GOT1: variants seen among roughly 807,000 people sequenced by gnomAD.
The protein encoded by GOT1 is glutamic-oxaloacetic transaminase 1.
Under a neutral mutation model 48.2 loss-of-function variants are expected in GOT1, and 25 were observed. That is an observed-to-expected ratio of 0.52 (90% CI 0.38 to 0.72). GOT1 has a LOEUF of 0.72. Ranked by LOEUF, GOT1 falls within the 30% of genes least tolerant of loss-of-function variation. The pLI is 0.00. For synonymous variants in GOT1, 188 were observed against 193.8 expected (o/e 0.97, Z 0.25); for missense variants, 380 against 520.1 (o/e 0.73, Z 2.62).
At chr10:99,402,297 C>T (rs2032690467) in intron 8 of GOT1, among the ~76,000 whole-genome samples, 1 of 152,176 alleles carries the variant, frequency 6.6e-6, no homozygotes, top group Non-Finnish European at 1.5e-5. Flanking sequence ...TCCCAGCTAC[C>T]AATCCTGTTA....
At chr10:99,427,207 T>C (rs1412120547) in intron 1 of GOT1, among the ~76,000 whole-genome samples, 1 of 152,254 alleles carries the variant, frequency 6.6e-6, no homozygotes, top group Non-Finnish European at 1.5e-5. Flanking sequence ...GCTACAGTCA[T>C]AGAATGTGCT....
intron 1 of GOT1, among the ~76,000 whole-genome samples, chr10:99,423,027 A>C (rs541241321): frequency 2.0e-5 from 3 of 152,364 alleles, no homozygotes; most frequent in African/African-American, 7.2e-5. Flanking sequence ...GAGTGGGCTA[A>C]GAAGTATGTG....
At position 99,397,703 on chromosome 10, in the gene GOT1, G is replaced by T. The variant is rs1443630193; in HGVS notation, c.1103-17C>A. 5 of 1,613,306 alleles carry T rather than the reference G, an allele frequency of 3.1e-6. No individual in the cohort carries two copies. Among genetic ancestry groups the T allele is most frequent in the Admixed American group, 3.3e-5 (2 of 59,994 alleles). On this transcript the variant is annotated splice_polypyrimidine_tract_variant and intron_variant, in intron 8 of 8. Coordinates refer to ENST00000370508, the MANE Select transcript of GOT1 (RefSeq NM_002079.3). The surrounding 1 kb of genome is among the most constrained non-coding windows in gnomAD (Gnocchi z 5.4). ...CCTGCTTGGCTGTTGAAAACCAAAAGAAGACATAATCAGAGCAGAGGGGAT... is the reference window on the plus strand; with the variant it reads ...CCTGCTTGGCTGTTGAAAACCAAAATAAGACATAATCAGAGCAGAGGGGAT...
Position 99,402,646 on chromosome 10 carries a change from TG to T in GOT1, c.1035del (p.Thr347ProfsTer20). On this transcript the variant is annotated frameshift_variant, in exon 8 of 9. Transcript: ENST00000370508. LOFTEE classifies it high-confidence loss of function. ...RSELRARLEALKTPGTWNHIT... is the reference protein window; with the variant it reads ...RSELRARLEAXKTPGTWNHIT... ...ATGTGGTTCCAGGTCCCAGGGGTTT[TG>T]AGGGCTTCTAGTCGTGCCCTGAGTT... 6.2e-7 allele frequency: 1 copy of T among 1,614,136 alleles called. No homozygotes were observed. Among genetic ancestry groups the T allele is most frequent in the South Asian group, 1.1e-5 (1 of 91,082 alleles).
rs569677061 is a variant in GOT1 at position 99,406,393 on chromosome 10, G to A, written c.425-144C>T. 7.7e-6 allele frequency: 5 copies of A among 653,556 alleles called. No homozygotes were observed. In the South Asian group the frequency reaches 9.0e-5, roughly 12 times the overall value. 40.5% of individuals were successfully genotyped at this position (653,556 alleles called of 1,614,324 possible). A position where few individuals can be genotyped will look rare whatever the true frequency, so the allele number is the denominator to read the frequency against. On this transcript the variant is annotated intron_variant, in intron 3 of 8. Coordinates refer to ENST00000370508, the MANE Select transcript of GOT1 (RefSeq NM_002079.3). ...GCTGGGGGTTAAGATGTAGAGGAAT[G>A]ATTGTAACCAAGAACAAGTTCAACC... is the stretch of plus-strand genomic sequence containing the variant.
chr10:99,400,351 T>A (rs1679319581), intron 8 of GOT1, among the ~76,000 whole-genome samples: 1 of 152,208 alleles, frequency 6.6e-6, no homozygotes, highest in African/African-American at 2.4e-5. Flanking sequence ...TTCTGTATGT[T>A]TAAAACTTTT....
chr10:99,412,163 C>T (rs1220644313), intron 2 of GOT1, among the ~76,000 whole-genome samples: 1 of 151,972 alleles, frequency 6.6e-6, no homozygotes, highest in East Asian at 1.9e-4. Flanking sequence ...CTTGACAGGG[C>T]CCAGTAGGTC....
intron 1 of GOT1, among the ~76,000 whole-genome samples, chr10:99,422,950 G>C (rs1033021570): frequency 1.3e-5 from 2 of 152,170 alleles, no homozygotes; most frequent in African/African-American, 4.8e-5. Flanking sequence ...TTCAGTGAAC[G>C]ACCCTGTACA....
In GOT1 at chr10:99,403,552, C is replaced by T; in HGVS notation, c.876G>A (p.Val292=). The stretch of plus-strand genomic sequence containing the variant: ...CGGGGGGATTGGACCAAGTAATCCG[C>T]ACGATCTTCTCCATCTGGGAAAGGA... ...LQVLSQMEKI[V]RITWSNPPAQ... is the part of the protein sequence containing the mutation. Residue 292 remains valine, a synonymous_variant, in exon 7 of 9, where the codon GTG becomes GTA. Coordinates refer to ENST00000370508, the MANE Select transcript of GOT1 (RefSeq NM_002079.3). The T allele has an allele frequency of 6.2e-7, 1 of 1,614,116 alleles. No individual in the cohort carries two copies.
At chr10:99,428,163 A>G (rs2033065177) in intron 1 of GOT1, among the ~76,000 whole-genome samples, 1 of 152,194 alleles carries the variant, frequency 6.6e-6, no homozygotes, top group Non-Finnish European at 1.5e-5. Flanking sequence ...TTTTTATTCA[A>G]TATCTTTTAT....
At position 99,401,930 on chromosome 10, in the gene GOT1, C is replaced by A. The variant is rs536574831; in HGVS notation, c.1102+650G>T. Among the ~76,000 whole-genome samples the A allele has an allele frequency of 4.8e-3, 737 of 152,002 alleles. 8 individuals carry two copies. Among genetic ancestry groups the A allele is most frequent in the African/African-American group, 0.016 (681 of 41,520 alleles). Reference sequence around the variant, plus strand: ...TCAAGTGATTCTCCTGCCTCAGTCTCCCTAGTAGCTGGGACTACAGGCGCC... The same window carrying A: ...TCAAGTGATTCTCCTGCCTCAGTCTACCTAGTAGCTGGGACTACAGGCGCC... On this transcript the variant is annotated intron_variant, in intron 8 of 8. Transcript: ENST00000370508.
chr10:99,406,043 G>A, intron 4 of GOT1, 94 bp downstream of exon 4: 1 of 875,118 alleles, frequency 1.1e-6, no homozygotes, highest in Non-Finnish European at 1.9e-6. Flanking sequence ...TGGGGAAGGT[G>A]TCTCAGACTC....
chr10:99,427,872 TTCCTTGCCTCTAA>T (rs1305268359), intron 1 of GOT1, among the ~76,000 whole-genome samples: 2 of 152,222 alleles, frequency 1.3e-5, no homozygotes, highest in Non-Finnish European at 2.9e-5. Flanking sequence ...AGTCTTCGGC[TTCCTTGCCTCTAA>T]ACAGTAATAG....
chr10:99,407,371 T>C (rs1164283698), intron 2 of GOT1, among the ~76,000 whole-genome samples: 1 of 152,166 alleles, frequency 6.6e-6, no homozygotes, highest in Non-Finnish European at 1.5e-5. Flanking sequence ...TCCTTAGAAG[T>C]ATGTTCTAAC....
chr10:99,399,254 T>C (rs769709595), intron 8 of GOT1, among the ~76,000 whole-genome samples: 33 of 152,042 alleles, frequency 2.2e-4, no homozygotes, highest in African/African-American at 9.7e-5. Context: ...CTAAAAGAAA[T>C]AGACCTTTAC....
chr10:99,414,256 C>A (rs190922185), intron 2 of GOT1, among the ~76,000 whole-genome samples: 1,769 of 152,152 alleles, frequency 0.012, 14 homozygotes, highest in Middle Eastern at 0.058. Flanking sequence ...ATCTACCAAG[C>A]AAATGGAAAA....
intron 2 of GOT1, 122 bp from the exon 3 acceptor site, chr10:99,406,971 A>G (rs2032767651): frequency 2.3e-6 from 2 of 877,618 alleles, no homozygotes; most frequent in East Asian, 5.2e-5. Flanking sequence ...TAATTGTATT[A>G]TCTCATCAAA....
intron 2 of GOT1, among the ~76,000 whole-genome samples, chr10:99,416,299 C>T (rs2032894007): frequency 1.3e-5 from 2 of 151,152 alleles, no homozygotes; most frequent in Non-Finnish European, 3.0e-5. Context: ...ACACCAATAA[C>T]AGACAAATAG....
intron 2 of GOT1, among the ~76,000 whole-genome samples, chr10:99,411,987 TAACTC>T (rs1039679546): frequency 6.6e-6 from 1 of 152,238 alleles, no homozygotes; most frequent in Non-Finnish European, 1.5e-5. Flanking sequence ...AGTCCTGTGA[TAACTC>T]AGAGAGCTTA....
Sources: gnomAD v4.1 joint callset for allele counts (sites outside exome capture counted in the v4.1 genomes callset) on GRCh38, gnomAD v4.1.1 for gene constraint, Gnocchi (gnomAD v3.1) non-coding constraint, MANE v1.5 for transcripts, NCBI Gene and HGNC (gene_info 2026-07-23, HGNC 2026-07-21) for gene names.